NCOA2: variants seen among roughly 807,000 people sequenced by gnomAD.
NCOA2 encodes the protein nuclear receptor coactivator 2.
A neutral mutation model predicts 145.1 loss-of-function variants in NCOA2; 21 were observed. The ratio of observed to expected loss-of-function variants is 0.14; its 90% CI spans 0.10 to 0.21. The LOEUF (loss-of-function observed/expected upper bound fraction) is 0.21, where lower values mean the gene tolerates loss of function less well. Among genes scored for constraint, NCOA2 ranks in the 10% least tolerant of loss-of-function variants. The probability of loss-of-function intolerance (pLI) is 1.00; values close to 1 mark genes in which losing one functional copy is unlikely to be tolerated. For missense variants in NCOA2, 1,472 were observed against 1,837.6 expected (o/e 0.80, Z 3.64); for synonymous variants, 619 against 637.5 (o/e 0.97, Z 0.44).
chr8:70,445,338 C>G, the NCOA2 span, among the ~76,000 whole-genome samples: 1 of 152,198 alleles, frequency 6.6e-6, no homozygotes, highest in African/African-American at 2.4e-5. Flanking sequence ...CATAAATTAA[C>G]TGTATTTCAT....
intron 5 of NCOA2, 135 bp from the exon 6 acceptor site, chr8:70,170,514 C>A: frequency 1.4e-6 from 1 of 735,616 alleles, no homozygotes; most frequent in Non-Finnish European, 2.0e-6. Flanking sequence ...CAGCCCTCTC[C>A]CAGTTTTCAG....
At chr8:70,404,949 T>A (rs763540551), upstream of NCOA2, among the ~76,000 whole-genome samples, 1 of 152,208 alleles carries the variant, frequency 6.6e-6, no homozygotes, top group East Asian at 1.9e-4. Flanking sequence ...TTTAATCTTA[T>A]AATGAGAAAG....
chr8:70,136,069 A>G (rs1361814425), intron 15 of NCOA2, among the ~76,000 whole-genome samples: 1 of 152,222 alleles, frequency 6.6e-6, no homozygotes, highest in African/African-American at 2.4e-5. Flanking sequence ...ACAGGGGAAA[A>G]TCAAATTAAA....
intron 1 of NCOA2, among the ~76,000 whole-genome samples, chr8:70,297,326 A>C (rs528106963): frequency 1.3e-5 from 2 of 151,994 alleles, no homozygotes; most frequent in African/African-American, 4.8e-5. Context: ...TTATCTCAAG[A>C]ATTATCTTTT....
intron 2 of NCOA2, among the ~76,000 whole-genome samples, chr8:70,233,592 A>G (rs1821336227): frequency 1.3e-5 from 2 of 152,290 alleles, no homozygotes; most frequent in Admixed American, 1.3e-4. Flanking sequence ...TCAAATGCCA[A>G]CCTACAGCAA....
chr8:70,273,449 A>G, intron 2 of NCOA2: 1 of 636,228 alleles, frequency 1.6e-6, no homozygotes, highest in Non-Finnish European at 2.7e-6. Flanking sequence ...AACTGCTCAC[A>G]GAAAGAAGGT....
intron 1 of NCOA2, among the ~76,000 whole-genome samples, chr8:70,302,076 T>C (rs189821205): frequency 7.0e-4 from 107 of 152,258 alleles, no homozygotes; most frequent in Non-Finnish European, 7.8e-4. Flanking sequence ...CACCACAGGA[T>C]ATAACCCCAA....
chr8:70,354,375 CA>C (rs1809498207), intron 1 of NCOA2, among the ~76,000 whole-genome samples: 1 of 152,138 alleles, frequency 6.6e-6, no homozygotes, highest in South Asian at 2.1e-4. Flanking sequence ...TACTCAACTA[CA>C]AATCAATGAA....
intron 2 of NCOA2, among the ~76,000 whole-genome samples, chr8:70,287,456 GGCTT>G (rs1489525909): frequency 1.3e-5 from 2 of 152,038 alleles, no homozygotes; most frequent in East Asian, 3.9e-4. Flanking sequence ...GTCCTATATA[GGCTT>G]CTGATTATGG....
the NCOA2 span, among the ~76,000 whole-genome samples, chr8:70,410,476 G>A: frequency 0.033 from 5,088 of 152,164 alleles, 312 homozygotes; most frequent in African/African-American, 0.12. Flanking sequence ...GACTACAGGT[G>A]TGTGCCACCA....
intron 16 of NCOA2, 111 bp downstream of exon 16, chr8:70,131,726 C>A (rs1195582784): frequency 7.6e-6 from 9 of 1,177,312 alleles, no homozygotes; most frequent in Non-Finnish European, 8.1e-6. Context: ...GTAAAAAAAA[C>A]AACAACAATA....
chr8:70,363,052 TG>T (rs1810355360), intron 1 of NCOA2, among the ~76,000 whole-genome samples: 1 of 132,764 alleles, frequency 7.5e-6, no homozygotes, highest in South Asian at 2.4e-4. Context: ...GCATTCCAGC[TG>T]GTTGACAGAG....
Position 70,113,365 on chromosome 8 carries a change from G to A in NCOA2, c.*267C>T. The stretch of plus-strand genomic sequence containing the variant: ...TTGCCTGTCAACATTTACTTTTGCA[G>A]GAGAGATCTAAGTTGCACTAAGGTG... On this transcript the variant is annotated 3_prime_UTR_variant, in exon 23 of 23. Coordinates refer to ENST00000452400, the MANE Select transcript of NCOA2 (RefSeq NM_006540.4). 1.9e-6 allele frequency: 1 copy of A among 525,106 alleles called. No individual in the cohort carries two copies. The highest frequency in any genetic ancestry group is 2.8e-5 in the East Asian group (1 of 35,088). 32.5% of individuals were successfully genotyped at this position (525,106 alleles called of 1,614,324 possible). A position where few individuals can be genotyped will look rare whatever the true frequency, so the allele number is the denominator to read the frequency against.
intron 11 of NCOA2, among the ~76,000 whole-genome samples, chr8:70,152,495 C>T (rs1421295898): frequency 6.6e-6 from 1 of 152,146 alleles, no homozygotes; most frequent in African/African-American, 2.4e-5. Context: ...TATGGTTTGC[C>T]TTTCTAATGG....
rs751432813 is a variant in NCOA2, at chr8:70,174,777, C to A, written c.342G>T (p.Ala114=). ...STGQGVIDKD[A]LGPMMLEALD... is the part of the protein sequence containing the mutation. The stretch of plus-strand genomic sequence containing the variant: ...CTACCTCAAGCATCATAGGCCCCAG[C>A]GCATCCTTGTCGATGACACCCTGCC... Residue 114 remains alanine (A), a synonymous_variant, in exon 5 of 23, where the codon GCG becomes GCT. Coordinates refer to ENST00000452400, the MANE Select transcript of NCOA2 (RefSeq NM_006540.4). The A allele has an allele frequency of 1.2e-6, 2 of 1,613,522 alleles. No individual in the cohort carries two copies. The highest frequency in any genetic ancestry group is 1.7e-5 in the Admixed American group (1 of 59,998).
intron 15 of NCOA2, among the ~76,000 whole-genome samples, chr8:70,132,846 G>A (rs1320432073): frequency 6.6e-6 from 1 of 151,740 alleles, no homozygotes; most frequent in African/African-American, 2.4e-5. Flanking sequence ...GATAACAGGC[G>A]TGAGCTACCA....
intron 2 of NCOA2, among the ~76,000 whole-genome samples, chr8:70,219,027 A>G (rs1175128099): frequency 6.6e-6 from 1 of 152,200 alleles, no homozygotes; most frequent in Non-Finnish European, 1.5e-5. Context: ...TTTGAGGATG[A>G]TTTAACATTA....
chr8:70,310,791 TTTATTA>T (rs1052284963), intron 1 of NCOA2, among the ~76,000 whole-genome samples: 21 of 152,322 alleles, frequency 1.4e-4, no homozygotes, highest in Non-Finnish European at 2.9e-4. Context: ...AACTGCTCCT[TTTATTA>T]AAGCATAGAC....
chr8:70,178,606 G>A lies in NCOA2; in HGVS notation c.260-3747C>T, dbSNP rs117661067. Among the ~76,000 whole-genome samples the A allele has an allele frequency of 3.9e-4, 60 of 152,252 alleles. No individual in the cohort carries two copies. In the East Asian group the frequency reaches 0.01, roughly 26 times the overall value. ...AGGGGAAGCAAAGTGAAAAATCCTC[G>A]TCTGCCGAGGGCTCACCCTCTGTCC... On this transcript the variant is annotated intron_variant, in intron 4 of 22. Transcript: ENST00000452400.
Sources: allele counts gnomAD v4.1 joint callset (sites outside exome capture counted in the v4.1 genomes callset), GRCh38; gene constraint gnomAD v4.1.1; transcripts MANE v1.5; gene names NCBI Gene and HGNC (gene_info 2026-07-23, HGNC 2026-07-21).